R3HDM1: variants seen among roughly 807,000 people sequenced by gnomAD.
R3HDM1 encodes the protein R3H domain containing 1, also known as R3H domain-containing protein 1.
R3HDM1 carries 46 observed loss-of-function variants against 141.1 expected under a neutral mutation model. The ratio of observed to expected loss-of-function variants is 0.33; its 90% CI spans 0.26 to 0.42. The LOEUF (loss-of-function observed/expected upper bound fraction) is 0.42, where lower values mean the gene tolerates loss of function less well. R3HDM1 is among the 10% of genes least tolerant of loss of function. The pLI, the probability that R3HDM1 is intolerant of heterozygous loss-of-function variation, is 1.00. For missense variants in R3HDM1, 1,184 were observed against 1,368.3 expected, an observed-to-expected ratio of 0.87 and a Z score of 2.12; for synonymous variants, 435 against 472.9, an observed-to-expected ratio of 0.92 and a Z score of 1.04.
At chr2:135,710,360 C>T (rs1345830852) in intron 23 of R3HDM1, 129 bp downstream of exon 23, 7 of 948,844 alleles carry the variant, frequency 7.4e-6, no homozygotes, top group Admixed American at 2.7e-5. Context: ...CGCGGTGGCT[C>T]TCCCCTGTAA....
intron 6 of R3HDM1, chr2:135,621,813 C>T (rs947835577): frequency 1.0e-6 from 1 of 982,418 alleles, no homozygotes; most frequent in Admixed American, 6.2e-5. Context: ...AAAAATGCAA[C>T]ACATAACAGA....
chr2:135,643,220 A>G (rs1009557583), intron 15 of R3HDM1, among the ~76,000 whole-genome samples: 1 of 152,106 alleles, frequency 6.6e-6, no homozygotes, highest in African/African-American at 2.4e-5. Flanking sequence ...CTGCTCCACC[A>G]ATTTTTTCTC....
chr2:135,630,310 A>C (rs1396173457), intron 7 of R3HDM1, among the ~76,000 whole-genome samples: 1 of 119,502 alleles, frequency 8.4e-6, no homozygotes, highest in African/African-American at 4.0e-5. Context: ...AAAAAAAAAC[A>C]AAAAAAAAAC....
intron 1 of R3HDM1, among the ~76,000 whole-genome samples, chr2:135,582,672 C>A (rs775042583): frequency 9.2e-5 from 14 of 152,218 alleles, no homozygotes; most frequent in Non-Finnish European, 8.8e-5. Context: ...AGGATAACAT[C>A]CTCTGCAGTC....
At chr2:135,597,352 A>G (rs867726778) in intron 1 of R3HDM1, 3 of 852,418 alleles carry the variant, frequency 3.5e-6, no homozygotes, top group African/African-American at 1.8e-5. Flanking sequence ...TTTTTGTTAA[A>G]TGACAGTAAC....
In R3HDM1 at chr2:135,722,453, A is replaced by T; in HGVS notation, c.2965-16A>T. On this transcript the variant is annotated splice_polypyrimidine_tract_variant and intron_variant, in intron 25 of 26. Coordinates refer to ENST00000683871, the MANE Select transcript of R3HDM1 (RefSeq NM_001378107.1). ...GCATTATTAACGTTGTTTCTCAACT[A>T]TTTGTGGGTTTTCAGGGTCAGCCTG... is the stretch of plus-strand genomic sequence containing the variant. The T allele has an allele frequency of 6.2e-7, 1 of 1,612,714 alleles. No homozygotes were observed. Among genetic ancestry groups the T allele is most frequent in the Non-Finnish European group, 8.5e-7 (1 of 1,179,556 alleles).
chr2:135,592,556 GAAAC>G (rs1223151289), intron 1 of R3HDM1, among the ~76,000 whole-genome samples: 1 of 151,910 alleles, frequency 6.6e-6, no homozygotes, highest in Non-Finnish European at 1.5e-5. Flanking sequence ...ATCCAGTATG[GAAAC>G]AAACAAAAAA....
chr2:135,621,758 A>C, intron 6 of R3HDM1, 150 bp downstream of exon 6: 1 of 1,266,348 alleles, frequency 7.9e-7, no homozygotes, highest in Non-Finnish European at 1.0e-6. Context: ...TCATCTGGGC[A>C]AAATGGTTTA....
At position 135,622,867 on chromosome 2, in the gene R3HDM1, T is replaced by C. The variant is rs1002404942; in HGVS notation, c.497+135T>C. 6 of 1,356,738 alleles carry C rather than the reference T, an allele frequency of 4.4e-6. No homozygotes were observed. In the Admixed American group the frequency reaches 1.3e-4, roughly 28 times the overall value. 84.0% of individuals were successfully genotyped at this position (1,356,738 alleles called of 1,614,324 possible). On this transcript the variant is annotated intron_variant, in intron 7 of 26. Coordinates refer to ENST00000683871, the MANE Select transcript of R3HDM1 (RefSeq NM_001378107.1). ...GTACACCAGAAACATTTTAGTTTTT[T>C]AGGGCAAAGATGTTGTTGGTCTAGT...
chr2:135,605,084 C>A, intron 3 of R3HDM1, 68 bp downstream of exon 3: 3 of 1,308,626 alleles, frequency 2.3e-6, no homozygotes, highest in Non-Finnish European at 3.1e-6. Context: ...TATTTTCATA[C>A]AAAACTCACT....
intron 24 of R3HDM1, among the ~76,000 whole-genome samples, chr2:135,717,172 C>T (rs2076248624): frequency 6.6e-6 from 1 of 152,012 alleles, no homozygotes; most frequent in East Asian, 1.9e-4. Context: ...AGACGGACAA[C>T]ACCAAATGTT....
chr2:135,535,545 T>TAAATAAATAA (rs1559073981), intron 1 of R3HDM1, among the ~76,000 whole-genome samples: 58 of 134,352 alleles, frequency 4.3e-4, no homozygotes, highest in African/African-American at 2.1e-3. Flanking sequence ...TAAATAAATA[T>TAAATAAATAA]GAGATGGCTG....
chr2:135,626,917 T>C (rs2062106188), intron 7 of R3HDM1, among the ~76,000 whole-genome samples: 1 of 152,206 alleles, frequency 6.6e-6, no homozygotes, highest in Admixed American at 6.5e-5. Context: ...TAATGTATGG[T>C]CGTTCATGAC....
intron 19 of R3HDM1, chr2:135,669,397 A>T: frequency 1.0e-6 from 1 of 984,508 alleles, no homozygotes; most frequent in South Asian, 4.7e-5. Context: ...ATAAATCTTT[A>T]GTTCAAATGA....
At chr2:135,717,221 C>T (rs1037716636) in intron 24 of R3HDM1, among the ~76,000 whole-genome samples, 2 of 152,214 alleles carry the variant, frequency 1.3e-5, no homozygotes, top group South Asian at 2.1e-4. Context: ...TGGTGGCTCA[C>T]GCCTGTAATC....
intron 19 of R3HDM1, chr2:135,670,174 A>T: frequency 5.4e-5 from 13 of 242,810 alleles, no homozygotes; most frequent in Non-Finnish European, 8.6e-5. Context: ...AAAAAAGATT[A>T]GCTTGTGGTA....
chr2:135,537,484 C>T (rs1298997719), intron 1 of R3HDM1, among the ~76,000 whole-genome samples: 1 of 151,114 alleles, frequency 6.6e-6, no homozygotes. Flanking sequence ...CAGGATTTTG[C>T]CATATTGGCC....
At chr2:135,690,223 A>C (rs954626627) in intron 21 of R3HDM1, among the ~76,000 whole-genome samples, 1 of 151,834 alleles carries the variant, frequency 6.6e-6, no homozygotes, top group Non-Finnish European at 1.5e-5. Context: ...CTAAGCTTCT[A>C]GTTTGACATT....
chr2:135,570,226 A>G (rs1703801593), intron 1 of R3HDM1, among the ~76,000 whole-genome samples: 1 of 152,230 alleles, frequency 6.6e-6, no homozygotes, highest in Non-Finnish European at 1.5e-5. Context: ...TGTTCCACCA[A>G]CTGCATCTAG....
Sources: gnomAD v4.1 joint callset for allele counts (sites outside exome capture counted in the v4.1 genomes callset) on GRCh38, gnomAD v4.1.1 for gene constraint, MANE v1.5 for transcripts, NCBI Gene and HGNC (gene_info 2026-07-23, HGNC 2026-07-21) for gene names.